LRMDA: variants seen among roughly 807,000 people sequenced by gnomAD.
LRMDA encodes leucine-rich melanocyte differentiation-associated protein.
LRMDA carries 18 observed loss-of-function variants against 29.8 expected under a neutral mutation model. The observed-to-expected ratio is 0.60, with a 90% CI of 0.42 to 0.90. LRMDA has a LOEUF of 0.90. Ranked by LOEUF, LRMDA falls within the 40% of genes least tolerant of loss-of-function variation. LRMDA has a pLI of 0.00. For missense variants in LRMDA, 273 were observed against 273.9 expected, an observed-to-expected ratio of 1.00 and a Z score of 0.02; for synonymous variants, 125 against 109.4, an observed-to-expected ratio of 1.14 and a Z score of -0.89.
chr10:76,283,402 A>G (rs909750618), intron 5 of LRMDA, among the ~76,000 whole-genome samples: 1 of 152,260 alleles, frequency 6.6e-6, no homozygotes, highest in South Asian at 2.1e-4. Context: ...CCACTGGGGA[A>G]GCATGAAGGA....
intron 2 of LRMDA, among the ~76,000 whole-genome samples, chr10:75,690,246 T>C (rs1486236326): frequency 1.3e-5 from 2 of 152,218 alleles, no homozygotes; most frequent in African/African-American, 4.8e-5. Context: ...AGAGAGATGT[T>C]ATCTCAGTGT....
At chr10:76,420,033 T>C (rs560145520) in intron 6 of LRMDA, among the ~76,000 whole-genome samples, 1 of 152,238 alleles carries the variant, frequency 6.6e-6, no homozygotes, top group East Asian at 1.9e-4. Flanking sequence ...TTTCTGGTAA[T>C]GCTCTTATTA....
chr10:76,188,946 A>ACACACACG (rs1453533540), intron 5 of LRMDA, among the ~76,000 whole-genome samples: 3 of 111,652 alleles, frequency 2.7e-5, no homozygotes, highest in East Asian at 2.8e-4. Context: ...ACACACACAC[A>ACACACACG]CACACACACA....
chr10:75,635,640 A>G (rs1051055421), intron 2 of LRMDA, among the ~76,000 whole-genome samples: 1 of 152,172 alleles, frequency 6.6e-6, no homozygotes, highest in Admixed American at 6.5e-5. Context: ...ACAGGGATTG[A>G]TGAAAAAAGA....
At chr10:76,421,490 C>A (rs1418447202) in intron 6 of LRMDA, among the ~76,000 whole-genome samples, 1 of 152,134 alleles carries the variant, frequency 6.6e-6, no homozygotes, top group South Asian at 2.1e-4. Flanking sequence ...GATATATAGA[C>A]TATTTAACAA....
intron 6 of LRMDA, among the ~76,000 whole-genome samples, chr10:76,527,384 C>A (rs1843188260): frequency 6.6e-6 from 1 of 152,170 alleles, no homozygotes; most frequent in South Asian, 2.1e-4. Context: ...CTATAAGTTA[C>A]TATCAGTGTA....
chr10:76,439,915 C>T (rs1029280775), intron 6 of LRMDA, among the ~76,000 whole-genome samples: 2 of 152,174 alleles, frequency 1.3e-5, no homozygotes, highest in South Asian at 2.1e-4. Flanking sequence ...GCAGAGTTTT[C>T]GAACTGTAGG....
At chr10:75,954,576 G>C (rs1173809331) in intron 2 of LRMDA, among the ~76,000 whole-genome samples, 1 of 152,208 alleles carries the variant, frequency 6.6e-6, no homozygotes, top group Non-Finnish European at 1.5e-5. Flanking sequence ...TGCTTGGGCA[G>C]CCTTGGCAGC....
intron 5 of LRMDA, among the ~76,000 whole-genome samples, chr10:76,072,131 G>A (rs139244103): frequency 1.6e-3 from 237 of 152,290 alleles, no homozygotes; most frequent in African/African-American, 5.6e-3. Context: ...TTTATCAGAC[G>A]TTGTTTACCC....
At chr10:76,387,743 A>G (rs866868757) in intron 6 of LRMDA, among the ~76,000 whole-genome samples, 13 of 152,362 alleles carry the variant, frequency 8.5e-5, no homozygotes, top group Middle Eastern at 3.4e-3. Flanking sequence ...GTTATTCCAT[A>G]GGCAGAGCAC....
rs551937606 is a variant in LRMDA, at chr10:76,196,739, G to A, written c.517-127662G>A. 4.6e-5 allele frequency among the ~76,000 whole-genome samples: 7 copies of A among 152,330 alleles called. 1 individual carries two copies. In the South Asian group the frequency reaches 8.3e-4, roughly 18 times the overall value. On this transcript the variant is annotated intron_variant, in intron 5 of 6. Coordinates refer to ENST00000611255, the MANE Select transcript of LRMDA (RefSeq NM_001305581.2). ...ACCTTAGAACATGCAATTCTGTAGT[G>A]CATTACATGCATGCAATTGCATTAT... is the stretch of plus-strand genomic sequence containing the variant.
intron 2 of LRMDA, among the ~76,000 whole-genome samples, chr10:75,929,787 A>G (rs1416732009): frequency 6.6e-6 from 1 of 152,284 alleles, no homozygotes; most frequent in East Asian, 1.9e-4. Flanking sequence ...GCTTATCCCA[A>G]CCACTCTTTT....
chr10:75,609,109 T>A (rs975010468), intron 2 of LRMDA, among the ~76,000 whole-genome samples: 3 of 152,156 alleles, frequency 2.0e-5, no homozygotes, highest in Non-Finnish European at 4.4e-5. Context: ...GTCATTAGCA[T>A]TCAGGGTTGT....
At chr10:76,051,176 G>A (rs74147631) in intron 4 of LRMDA, among the ~76,000 whole-genome samples, 3 of 152,256 alleles carry the variant, frequency 2.0e-5, no homozygotes, top group Admixed American at 6.5e-5. Flanking sequence ...CAGACGAATA[G>A]GAGCTGTAAA....
intron 5 of LRMDA, among the ~76,000 whole-genome samples, chr10:76,105,430 A>G (rs1849465454): frequency 6.6e-6 from 1 of 151,838 alleles, no homozygotes; most frequent in South Asian, 2.1e-4. Flanking sequence ...GGTGGGGGGG[A>G]AGAGTCTTTA....
At chr10:76,342,170 A>G (rs1479463144) in intron 6 of LRMDA, among the ~76,000 whole-genome samples, 1 of 152,210 alleles carries the variant, frequency 6.6e-6, no homozygotes, top group Non-Finnish European at 1.5e-5. Flanking sequence ...TAAAACCAGA[A>G]ATAACAAAAT....
At chr10:76,241,712 G>A (rs553217115) in intron 5 of LRMDA, among the ~76,000 whole-genome samples, 2 of 152,098 alleles carry the variant, frequency 1.3e-5, no homozygotes, top group African/African-American at 2.4e-5. Context: ...TACAATTGGG[G>A]AATGCCCTGG....
chr10:76,409,205 G>T (rs72817480), intron 6 of LRMDA, among the ~76,000 whole-genome samples: 1 of 152,050 alleles, frequency 6.6e-6, no homozygotes, highest in Non-Finnish European at 1.5e-5. Flanking sequence ...AGTGATTTTC[G>T]TACTCTTTTC....
chr10:75,714,835 T>TTCCCTCCCTCTTCCTCCTTCTTTCCC (rs1842478887), intron 2 of LRMDA, among the ~76,000 whole-genome samples: 1 of 125,196 alleles, frequency 8.0e-6, no homozygotes, highest in Admixed American at 7.6e-5. Flanking sequence ...TCCTCCTTCT[T>TTCCCTCCCTCTTCCTCCTTCTTTCCC]TCCCTCCCTC....
Sources: allele counts gnomAD v4.1 joint callset (sites outside exome capture counted in the v4.1 genomes callset), GRCh38; gene constraint gnomAD v4.1.1; transcripts MANE v1.5; gene names NCBI Gene and HGNC (gene_info 2026-07-23, HGNC 2026-07-21).